The following MYH10 variants were observed in gnomAD, a reference collection of about 807,000 sequenced individuals.
MYH10 encodes myosin heavy chain 10.
In MYH10, 55 loss-of-function variants were observed where a neutral mutation model predicts 257.8. The observed-to-expected ratio is 0.21, with a 90% confidence interval of 0.17 to 0.27. MYH10 has a LOEUF of 0.27. Among genes scored for constraint, MYH10 ranks in the 10% least tolerant of loss-of-function variants. MYH10 has a pLI of 1.00. For missense variants in MYH10, 1,631 were observed against 2,500.6 expected, an observed-to-expected ratio of 0.65 and a Z score of 7.42; for synonymous variants, 854 against 921.7, an observed-to-expected ratio of 0.93 and a Z score of 1.33.
chr17:8,570,093 C>T (rs1489849232), intron 6 of MYH10, among the ~76,000 whole-genome samples: 1 of 152,080 alleles, frequency 6.6e-6, no homozygotes, highest in Non-Finnish European at 1.5e-5. Context: ...GTAAATCAGG[C>T]AGAGAATTTT....
At chr17:8,533,008 T>G (rs1188812066) in intron 16 of MYH10, among the ~76,000 whole-genome samples, 1 of 152,200 alleles carries the variant, frequency 6.6e-6, no homozygotes, top group African/African-American at 2.4e-5. Flanking sequence ...CAATACCTGT[T>G]TTCCTTCAAA....
intron 7 of MYH10, chr17:8,560,334 G>A (rs1457461277): frequency 4.8e-6 from 1 of 206,404 alleles, no homozygotes; most frequent in Non-Finnish European, 1.0e-5. Context: ...AAACTTAAAT[G>A]TTATTTACCG....
Position 8,596,410 on chromosome 17 carries a change from C to T in MYH10, c.503-7302G>A, listed in dbSNP as rs1462230256. Among the ~76,000 whole-genome samples, 3 of 152,176 alleles carry T rather than the reference C, an allele frequency of 2.0e-5. No homozygotes were observed. The South Asian group carries it at 6.2e-4, about 31-fold the overall frequency. On this transcript the variant is annotated intron_variant, in intron 3 of 42. Coordinates refer to ENST00000360416, the MANE Select transcript of MYH10 (RefSeq NM_001256012.3). Reference sequence around the variant, plus strand: ...CCTCAGGTGATCCACCTGCCTCAGCCTCCCAAGCTGGGATTATGGGCGTAA... The same window carrying T: ...CCTCAGGTGATCCACCTGCCTCAGCTTCCCAAGCTGGGATTATGGGCGTAA...
At chr17:8,540,329 T>C (rs1349638133) in intron 14 of MYH10, among the ~76,000 whole-genome samples, 1 of 152,156 alleles carries the variant, frequency 6.6e-6, no homozygotes, top group Non-Finnish European at 1.5e-5. Context: ...GAGTTGGTTA[T>C]TAGGGTTGAA....
chr17:8,492,614 T>TGG, intron 33 of MYH10, 105 bp from the exon 34 acceptor site: 5 of 1,267,376 alleles, frequency 3.9e-6, no homozygotes, highest in Non-Finnish European at 5.3e-6. Flanking sequence ...CACTAGATTA[T>TGG]GGTGTTCTTG....
chr17:8,488,824 C>T (rs1185583488), intron 35 of MYH10, among the ~76,000 whole-genome samples: 1 of 152,092 alleles, frequency 6.6e-6, no homozygotes, highest in African/African-American at 2.4e-5. Context: ...AGACCTGGGG[C>T]TGTACCTCAA....
At chr17:8,611,763 C>T (rs1000100416) in intron 2 of MYH10, among the ~76,000 whole-genome samples, 5 of 151,936 alleles carry the variant, frequency 3.3e-5, no homozygotes, top group Non-Finnish European at 7.4e-5. Context: ...CCAGATGGGA[C>T]GAGGTGAAAC....
intron 35 of MYH10, among the ~76,000 whole-genome samples, chr17:8,488,212 A>G (rs1915195028): frequency 6.6e-6 from 1 of 152,036 alleles, no homozygotes; most frequent in Non-Finnish European, 1.5e-5. Context: ...CCACTCACTC[A>G]CTCTGTGGCA....
Position 8,614,307 on chromosome 17 carries a change from C to CTTTTTTTT in MYH10, c.345+8587_345+8594dup, listed in dbSNP as rs35801623. 1.3e-3 allele frequency among the ~76,000 whole-genome samples: 101 copies of CTTTTTTTT among 77,126 alleles called. 14 individuals are homozygous for CTTTTTTTT. The highest frequency in any genetic ancestry group is 7.0e-3 in the East Asian group (18 of 2,566). The allele number at this position is 77,126 out of a possible 152,430, so 50.6% of individuals were successfully genotyped here. On this transcript the variant is annotated intron_variant, in intron 2 of 42. Transcript: ENST00000360416. ...GATTTAGAAAGTAAGCAATTCACTT[C>CTTTTTTTT]TTTTTTTTTTTTTTTTTTTTTTTTT...
In MYH10 at chr17:8,475,644, G is replaced by A; in HGVS notation, c.*160C>T. 1 of 772,438 alleles carries A rather than the reference G, an allele frequency of 1.3e-6. No homozygotes were observed. The allele number at this position is 772,438 out of a possible 1,614,324, so 47.8% of individuals were successfully genotyped here. On this transcript the variant is annotated 3_prime_UTR_variant, in exon 43 of 43. Coordinates refer to ENST00000360416, the MANE Select transcript of MYH10 (RefSeq NM_001256012.3). ...TAAAAAGGGGAGCAATTGTACCTAA[G>A]TCTGAAGCAGGATACAGTATGCATA... is the stretch of plus-strand genomic sequence containing the variant.
rs746516179 is a variant in MYH10, at chr17:8,504,665, C to G, written c.3599+29G>C. The G allele has an allele frequency of 6.2e-7, 1 of 1,602,512 alleles. No individual in the cohort carries two copies. Among genetic ancestry groups the G allele is most frequent in the Non-Finnish European group, 8.5e-7 (1 of 1,171,892 alleles). On this transcript the variant is annotated intron_variant, in intron 28 of 42. Coordinates refer to ENST00000360416, the MANE Select transcript of MYH10 (RefSeq NM_001256012.3). The surrounding 1 kb of genome is among the most constrained non-coding windows in gnomAD (Gnocchi z 5.6). ...GCTCGGTGGAGAGGTCGGCAGGCGC[C>G]CGGGCCCTGCTTCCTCTCCCACACT... is the stretch of plus-strand genomic sequence containing the variant.
chr17:8,615,080 G>A (rs955005739), intron 2 of MYH10, among the ~76,000 whole-genome samples: 5 of 152,146 alleles, frequency 3.3e-5, no homozygotes, highest in Non-Finnish European at 1.5e-5. Flanking sequence ...AATTGCTTGA[G>A]TTCAGGGTTT....
chr17:8,493,780 C>T lies in MYH10; in HGVS notation c.4162G>A (p.Glu1388Lys), dbSNP rs774916781. 3.7e-6 allele frequency: 6 copies of T among 1,613,568 alleles called. No individual in the cohort carries two copies. Among genetic ancestry groups the T allele is most frequent in the East Asian group, 2.2e-5 (1 of 44,864 alleles). ...TGCTTCTCCAGGTTCTTCCTGGCCT[C>T]CTCCTCCTCCTCCTGCTGCTCCTGA... is the stretch of plus-strand genomic sequence containing the variant. ...SLQEQQEEEE[E>K]ARKNLEKQVL... The change falls in exon 32 of 43, where the codon GAG (glutamate) becomes AAG (lysine). Residue 1388 changes from glutamate to lysine, a missense_variant. Around this residue, in one of 11 missense-constraint regions of MYH10, gnomAD observed 463 missense variants for 621.8 expected, o/e 0.74. Coordinates refer to ENST00000360416, the MANE Select transcript of MYH10 (RefSeq NM_001256012.3).
intron 11 of MYH10, among the ~76,000 whole-genome samples, chr17:8,547,682 T>C (rs1368272084): frequency 6.7e-6 from 1 of 149,904 alleles, no homozygotes; most frequent in East Asian, 1.9e-4. Context: ...TAGAGATTCC[T>C]CACTTTTTCT....
rs2081560269 is a variant in MYH10, at chr17:8,518,866, T to C, written c.2343+15A>G. The C allele has an allele frequency of 1.2e-6, 2 of 1,603,584 alleles. No individual in the cohort carries two copies. Among genetic ancestry groups the C allele is most frequent in the Non-Finnish European group, 1.7e-6 (2 of 1,176,174 alleles). ...ATTAAATCTACAAGCCAGAAAAAGA[T>C]CAAGAAAACCTTACCATTCGTTCAC... On this transcript the variant is annotated intron_variant, in intron 20 of 42. Transcript: ENST00000360416.
At chr17:8,600,210 A>G (rs1190972785) in intron 3 of MYH10, among the ~76,000 whole-genome samples, 1 of 152,240 alleles carries the variant, frequency 6.6e-6, no homozygotes, top group African/African-American at 2.4e-5. Flanking sequence ...ACCAAACAAG[A>G]ATAACCAATG....
At chr17:8,508,443 T>C (rs2081147022) in intron 26 of MYH10, 111 bp downstream of exon 26, 3 of 1,462,914 alleles carry the variant, frequency 2.1e-6, no homozygotes, top group Non-Finnish European at 2.8e-6. Flanking sequence ...CTGAAGGTCC[T>C]TATTATTAGT....
chr17:8,511,079 C>CAT (rs2081278322), intron 24 of MYH10: 1 of 136,048 alleles, frequency 7.4e-6, no homozygotes, highest in African/African-American at 2.8e-5. Context: ...CATACATACA[C>CAT]ACACACACAC....
chr17:8,487,673 G>A lies in MYH10; in HGVS notation c.4885-79C>T, dbSNP rs957266206. 118 of 1,543,684 alleles carry A rather than the reference G, an allele frequency of 7.6e-5. No homozygotes were observed. The Admixed American group carries it at 1.9e-3, about 25-fold the overall frequency. ...ACAGGCAGACTGTTCTCAAGTGGGG[G>A]GCTCTGGTTACTCGGGTGAGTGGAA... On this transcript the variant is annotated intron_variant, in intron 35 of 42. Coordinates refer to ENST00000360416, the MANE Select transcript of MYH10 (RefSeq NM_001256012.3).
Sources: gnomAD v4.1 joint callset for allele counts (sites outside exome capture counted in the v4.1 genomes callset) on GRCh38, gnomAD v4.1.1 for gene constraint, gnomAD v4.1.1 regional missense constraint, Gnocchi (gnomAD v3.1) non-coding constraint, MANE v1.5 for transcripts, NCBI Gene and HGNC (gene_info 2026-07-23, HGNC 2026-07-21) for gene names.